Variants in AR observed in about 807,000 individuals in gnomAD.
AR encodes androgen receptor, also known as dihydrotestosterone receptor.
AR carries 8 observed loss-of-function variants against 53.9 expected under a neutral mutation model. The ratio of observed to expected loss-of-function variants is 0.15; its 90% confidence interval spans 0.09 to 0.27. The LOEUF (loss-of-function observed/expected upper bound fraction) is 0.27. AR is among the 10% of genes least tolerant of loss of function. The probability of loss-of-function intolerance (pLI) is 1.00; values close to 1 mark genes in which losing one functional copy is unlikely to be tolerated. For missense variants in AR, 639 were observed against 742.5 expected (o/e 0.86, Z 1.62); for synonymous variants, 359 against 316.4 (o/e 1.13, Z -1.43).
At chrX:67,604,728 ATGAAAGTTTCATACCC>A (rs1923548809) in intron 1 of AR, among the ~76,000 whole-genome samples, 1 of 111,892 alleles carries the variant, frequency 8.9e-6, no homozygotes, top group African/African-American at 3.2e-5. Flanking sequence ...TTCAATAAAC[ATGAAAGTTTCATACCC>A]TCTTTTAATG....
intron 1 of AR, among the ~76,000 whole-genome samples, chrX:67,583,553 C>T (rs1922386647): frequency 8.9e-6 from 1 of 111,907 alleles, no homozygotes; most frequent in Admixed American, 9.5e-5. Flanking sequence ...TAGTTCTCCA[C>T]TGTCAGTCAA....
rs1485244725 is a variant in AR, at chrX:67,546,501, G to T, written c.1355G>T (p.Gly452Val). Residue 452 changes from glycine (G) to valine (V), a missense_variant, in exon 1 of 8, where the codon GGT becomes GTT. Physicochemically the swap from Gly to Val is moderately radical, Grantham distance 109. Coordinates refer to ENST00000374690, the MANE Select transcript of AR (RefSeq NM_000044.6). ...EEGQLYGPCG[G>V]GGGGGGGGGG... ...GGCCAGTTGTATGGACCGTGTGGTG[G>T]TGGTGGGGGTGGTGGCGGCGGCGGC... 1 of 1,001,777 alleles carries T rather than the reference G, an allele frequency of 1.0e-6. No individual in the cohort carries two copies. Among genetic ancestry groups the T allele is most frequent in the Admixed American group, 4.3e-5 (1 of 23,440 alleles). The allele number at this position is 1,001,777 out of a possible 1,213,427, so 82.6% of individuals were successfully genotyped here. A position where few individuals can be genotyped will look rare whatever the true frequency, so the allele number is the denominator to read the frequency against.
chrX:67,604,080 G>A (rs146099535), intron 1 of AR, among the ~76,000 whole-genome samples: 21 of 110,435 alleles, frequency 1.9e-4, no homozygotes, highest in Admixed American at 3.9e-4. Context: ...ATTCTGAGAG[G>A]GTGGGTAACA....
intron 1 of AR, among the ~76,000 whole-genome samples, chrX:67,574,176 G>A (rs1476254264): frequency 8.9e-6 from 1 of 111,834 alleles, no homozygotes; most frequent in African/African-American, 3.2e-5. Flanking sequence ...AGGCCTATGC[G>A]ACACCACCCA....
At chrX:67,566,111 G>A (rs1230627900) in intron 1 of AR, among the ~76,000 whole-genome samples, 3 of 112,336 alleles carry the variant, frequency 2.7e-5, no homozygotes, top group African/African-American at 9.7e-5. Flanking sequence ...TTTGGTTGAA[G>A]ATTTGTTTTA....
intron 1 of AR, among the ~76,000 whole-genome samples, chrX:67,620,413 G>T (rs1314010270): frequency 9.1e-6 from 1 of 109,502 alleles, no homozygotes; most frequent in Non-Finnish European, 1.9e-5. Context: ...TACCCGCCTA[G>T]ACTCTAGTAC....
chrX:67,728,595 ATATATATATATATATATATAGT>A lies in AR; in HGVS notation c.*4755_*4776del. ...TTGAAATATATATATATATATATAT[ATATATATATATATATATATAGT>A]GTGTGTGTGTGTTCTGATAGCTTTA... On this transcript the variant is annotated 3_prime_UTR_variant, in exon 8 of 8. Coordinates refer to ENST00000374690, the MANE Select transcript of AR (RefSeq NM_000044.6). The A allele has an allele frequency of 2.2e-5, 2 of 92,817 alleles. No individual in the cohort carries two copies. The highest frequency in any genetic ancestry group is 5.2e-4 in the East Asian group (2 of 3,830). 7.6% of individuals were successfully genotyped at this position (92,817 alleles called of 1,213,427 possible).
At chrX:67,664,449 A>G (rs1011881614) in intron 2 of AR, among the ~76,000 whole-genome samples, 2 of 111,786 alleles carry the variant, frequency 1.8e-5, no homozygotes, top group African/African-American at 6.5e-5. Flanking sequence ...TGAACAGAAA[A>G]TGTTGCTGGT....
intron 3 of AR, among the ~76,000 whole-genome samples, chrX:67,688,959 C>T (rs2075981318): frequency 9.0e-6 from 1 of 111,264 alleles, no homozygotes; most frequent in Admixed American, 9.6e-5. Flanking sequence ...TATTGATTAC[C>T]TTGAAGAAGA....
chrX:67,641,164 A>G (rs1336006084), intron 1 of AR, among the ~76,000 whole-genome samples: 1 of 111,591 alleles, frequency 9.0e-6, no homozygotes, highest in African/African-American at 3.3e-5. Context: ...CTCACCCAGG[A>G]TGGAATCCTG....
At chrX:67,611,579 T>A (rs1458843129) in intron 1 of AR, among the ~76,000 whole-genome samples, 1 of 111,947 alleles carries the variant, frequency 8.9e-6, no homozygotes, top group Non-Finnish European at 1.9e-5. Flanking sequence ...TCATCATTGT[T>A]TTTTCTTATG....
At chrX:67,646,137 A>G (rs999365853) in intron 2 of AR, among the ~76,000 whole-genome samples, 5 of 111,935 alleles carry the variant, frequency 4.5e-5, no homozygotes, top group Non-Finnish European at 7.5e-5. Flanking sequence ...TAGGTACAGG[A>G]CTTAAAAGCC....
chrX:67,644,148 C>A (rs1031244914), intron 2 of AR, among the ~76,000 whole-genome samples: 5 of 112,150 alleles, frequency 4.5e-5, no homozygotes, highest in Non-Finnish European at 7.5e-5. Context: ...TAGAGGCGCT[C>A]AGCCCACATT....
chrX:67,728,574 AATATATATATATATATATATATATAT>A lies in AR; in HGVS notation c.*4749_*4774del, dbSNP rs10666509. On this transcript the variant is annotated 3_prime_UTR_variant, in exon 8 of 8. Transcript: ENST00000374690. ...ATTTGTATCCATGTTTCAAAATTGAAATATATATATATATATATATATATATATATATATATATATAGTGTGTGTGT... is the reference window on the plus strand; with the variant it reads ...ATTTGTATCCATGTTTCAAAATTGAAATATATATATATATAGTGTGTGTGT... 40 of 29,874 alleles carry A rather than the reference AATATATATATATATATATATATATAT, an allele frequency of 1.3e-3. 3 individuals are homozygous for A. In the East Asian group the frequency reaches 0.014, roughly 10 times the overall value. 2.5% of individuals were successfully genotyped at this position (29,874 alleles called of 1,213,427 possible).
intron 1 of AR, among the ~76,000 whole-genome samples, chrX:67,575,958 G>A (rs1054554571): frequency 5.4e-5 from 6 of 111,250 alleles, no homozygotes; most frequent in Non-Finnish European, 9.5e-5. Flanking sequence ...TGAGGCAAAG[G>A]AAGAGAAAAA....
rs1027110412 is a variant in AR, at chrX:67,545,248, C to A, written c.102C>A (p.Ile34=). The A allele has an allele frequency of 8.3e-7, 1 of 1,206,777 alleles. No homozygotes were observed. The highest frequency in any genetic ancestry group is 1.8e-5 in the South Asian group (1 of 56,527). Residue 34 remains isoleucine (I), a synonymous_variant, in exon 1 of 8, where the codon ATC becomes ATA. Transcript: ENST00000374690. The part of the protein sequence containing the change: ...QNLFQSVREV[I]QNPGPRHPEA... ...TGTTCCAGAGCGTGCGCGAAGTGAT[C>A]CAGAACCCGGGCCCCAGGCACCCAG...
chrX:67,595,841 T>C (rs768188186), intron 1 of AR, among the ~76,000 whole-genome samples: 1 of 110,976 alleles, frequency 9.0e-6, no homozygotes, highest in Non-Finnish European at 1.9e-5. Flanking sequence ...AATAAGTAAA[T>C]AATTTTCACC....
At chrX:67,697,833 G>A (rs1490746437) in intron 3 of AR, among the ~76,000 whole-genome samples, 1 of 111,536 alleles carries the variant, frequency 9.0e-6, no homozygotes, top group African/African-American at 3.3e-5. Flanking sequence ...AACCTTTTAT[G>A]TGAAAAGCAT....
rs1402718521 is a variant in AR, at chrX:67,643,266, G to T, written c.1627G>T (p.Ala543Ser). ...TTTGTGTCTTTCCAGTTTGGAGACT[G>T]CCAGGGACCATGTTTTGCCCATTGA... ...GPYGDMRLET[A>S]RDHVLPIDYY... Residue 543 changes from alanine to serine, a missense_variant, in exon 2 of 8, where the codon GCC becomes TCC. By Grantham distance (99) the Ala-to-Ser change is moderately conservative (BLOSUM62 1). Transcript: ENST00000374690. 8.3e-7 allele frequency: 1 copy of T among 1,211,451 alleles called. No individual in the cohort carries two copies. The highest frequency in any genetic ancestry group is 2.2e-5 in the Admixed American group (1 of 45,958).
Sources: gnomAD v4.1 joint callset for allele counts (sites outside exome capture counted in the v4.1 genomes callset) on GRCh38, gnomAD v4.1.1 for gene constraint, MANE v1.5 for transcripts, NCBI Gene and HGNC (gene_info 2026-07-23, HGNC 2026-07-21) for gene names.